Variants in OLFM3 observed in about 807,000 individuals in gnomAD.
The protein encoded by OLFM3 is olfactomedin 3.
A neutral mutation model predicts 48.6 loss-of-function variants in OLFM3; 20 were observed. The ratio of observed to expected loss-of-function variants is 0.41; its 90% CI spans 0.29 to 0.60. The LOEUF is 0.60. Ranked by LOEUF, OLFM3 falls within the 20% of genes least tolerant of loss-of-function variation. The probability of loss-of-function intolerance (pLI) is 0.28; values close to 1 mark genes in which losing one functional copy is unlikely to be tolerated. For synonymous variants in OLFM3, 222 were observed against 198.1 expected, an observed-to-expected ratio of 1.12 and a Z score of -1.01; for missense variants, 437 against 544.3, an observed-to-expected ratio of 0.80 and a Z score of 1.96.
rs1485037990 is a variant in OLFM3, at chr1:101,850,212, A to G, written c.70-13187T>C. On this transcript the variant is annotated intron_variant, in intron 1 of 5. Transcript: ENST00000370103. ...ATAATCTCACAAAAAATGTGACCTG[A>G]CTACACACTTATTTTCTTTGTGGAA... is the stretch of plus-strand genomic sequence containing the variant. Among the ~76,000 whole-genome samples the G allele has an allele frequency of 2.6e-5, 4 of 152,268 alleles. No homozygotes were observed. In the East Asian group the frequency reaches 7.7e-4, roughly 29 times the overall value.
At chr1:101,891,573 T>C (rs114782354) in intron 1 of OLFM3, among the ~76,000 whole-genome samples, 2,079 of 152,040 alleles carry the variant, frequency 0.014, 53 homozygotes, top group African/African-American at 0.048. Flanking sequence ...TGATGGATTT[T>C]TTTTTCCCTT....
intron 1 of OLFM3, among the ~76,000 whole-genome samples, chr1:101,872,705 C>T (rs1028454777): frequency 6.6e-5 from 10 of 151,772 alleles, no homozygotes; most frequent in Admixed American, 2.0e-4. Flanking sequence ...TTGGCATCAA[C>T]GAACAAGACA....
intron 1 of OLFM3, among the ~76,000 whole-genome samples, chr1:101,889,863 T>C (rs1017715866): frequency 1.3e-5 from 2 of 152,092 alleles, no homozygotes; most frequent in Non-Finnish European, 2.9e-5. Flanking sequence ...AAATATCTTA[T>C]TTCTCATATC....
intron 4 of OLFM3, among the ~76,000 whole-genome samples, chr1:101,816,634 AC>A (rs1401141774): frequency 6.6e-6 from 1 of 152,176 alleles, no homozygotes; most frequent in African/African-American, 2.4e-5. Context: ...ATGAAGTTGG[AC>A]AATGCCTTAT....
Position 101,935,557 on chromosome 1 carries a change from C to A in OLFM3, c.69+61191G>T, listed in dbSNP as rs183153423. Among the ~76,000 whole-genome samples the A allele has an allele frequency of 2.6e-5, 4 of 152,194 alleles. No homozygotes were observed. In the East Asian group the frequency reaches 7.7e-4, roughly 29 times the overall value. On this transcript the variant is annotated intron_variant, in intron 1 of 5. Transcript: ENST00000370103. ...ATTCCACTAGATGTATAAAGAAGAGCTGCTACCATTCCTACTAAAACTATT... is the reference window on the plus strand; with the variant it reads ...ATTCCACTAGATGTATAAAGAAGAGATGCTACCATTCCTACTAAAACTATT...
chr1:101,872,007 G>A (rs1014561984), intron 1 of OLFM3, among the ~76,000 whole-genome samples: 2 of 152,024 alleles, frequency 1.3e-5, no homozygotes, highest in African/African-American at 4.8e-5. Flanking sequence ...TATGAAATAT[G>A]TTAGAGAGGT....
chr1:101,812,689 T>C, intron 4 of OLFM3: 1 of 986,214 alleles, frequency 1.0e-6, no homozygotes, highest in Non-Finnish European at 1.2e-6. Context: ...AAAGGGATAC[T>C]GCTGAGTCTT....
In OLFM3 at chr1:101,859,546, G is replaced by A. The variant is rs1475583356; in HGVS notation, c.70-22521C>T. Among the ~76,000 whole-genome samples, 3 of 152,066 alleles carry A rather than the reference G, an allele frequency of 2.0e-5. No homozygotes were observed. The East Asian group carries it at 5.8e-4, about 29-fold the overall frequency. On this transcript the variant is annotated intron_variant, in intron 1 of 5. Coordinates refer to ENST00000370103, the MANE Select transcript of OLFM3 (RefSeq NM_058170.4). Reference sequence around the variant, plus strand: ...TAAATGTCTCTTATTTGAAATGCTTGGGGACAGAAGTGTTTTGGATTTTGA... The same window carrying A: ...TAAATGTCTCTTATTTGAAATGCTTAGGGACAGAAGTGTTTTGGATTTTGA...
At chr1:101,882,469 C>A (rs1032428790) in intron 1 of OLFM3, 1 of 151,524 alleles carries the variant, frequency 6.6e-6, no homozygotes, top group Non-Finnish European at 1.5e-5. Context: ...AGCCATCTTT[C>A]ATGTCTATGC....
intron 1 of OLFM3, among the ~76,000 whole-genome samples, chr1:101,941,272 T>C (rs1382262509): frequency 2.6e-5 from 4 of 152,064 alleles, no homozygotes. Context: ...AATTGCAGCA[T>C]TACAGCAGGG....
chr1:101,948,100 G>A (rs1660013687), intron 1 of OLFM3, among the ~76,000 whole-genome samples: 1 of 151,852 alleles, frequency 6.6e-6, no homozygotes, highest in Non-Finnish European at 1.5e-5. Context: ...ATAGGGAGAT[G>A]CAAGCCTTTT....
intron 1 of OLFM3, among the ~76,000 whole-genome samples, chr1:101,902,963 C>T (rs768344668): frequency 2.0e-5 from 3 of 152,054 alleles, no homozygotes; most frequent in Non-Finnish European, 2.9e-5. Flanking sequence ...TATGAAGAAT[C>T]ACCACTGTAT....
chr1:101,833,343 G>A (rs1443721007), intron 2 of OLFM3, among the ~76,000 whole-genome samples: 1 of 152,200 alleles, frequency 6.6e-6, no homozygotes. Flanking sequence ...CCAGGATTTG[G>A]CTTCAGGTGG....
intron 4 of OLFM3, among the ~76,000 whole-genome samples, chr1:101,810,862 T>C (rs1654013582): frequency 6.6e-6 from 1 of 151,690 alleles, no homozygotes; most frequent in Admixed American, 6.6e-5. Flanking sequence ...TCAAAGCTAA[T>C]AAATTTACAG....
intron 1 of OLFM3, among the ~76,000 whole-genome samples, chr1:101,953,821 G>A (rs1417646259): frequency 6.6e-6 from 1 of 152,098 alleles, no homozygotes; most frequent in East Asian, 1.9e-4. Context: ...AACATATTTA[G>A]CACGGGCTGT....
rs138099057 is a variant in OLFM3 at position 101,949,767 on chromosome 1, A to T, written c.69+46981T>A. On this transcript the variant is annotated intron_variant, in intron 1 of 5. Transcript: ENST00000370103. ...AACACGGGGAAACCCCGTCTCTACT[A>T]AAAATACAAAAAATCAGCCGGGCGT... Among the ~76,000 whole-genome samples, 324 of 152,056 alleles carry T rather than the reference A, an allele frequency of 2.1e-3. 4 individuals are homozygous for T. The highest frequency in any genetic ancestry group is 0.015 in the Admixed American group (223 of 15,292).
chr1:101,942,405 T>C (rs2101060796), intron 1 of OLFM3, among the ~76,000 whole-genome samples: 1 of 152,334 alleles, frequency 6.6e-6, no homozygotes, highest in Middle Eastern at 3.4e-3. Flanking sequence ...TGCAGTCTTA[T>C]GTTTTGGGTC....
chr1:101,857,029 G>A (rs1016915276), intron 1 of OLFM3, among the ~76,000 whole-genome samples: 3 of 152,136 alleles, frequency 2.0e-5, no homozygotes, highest in African/African-American at 7.2e-5. Flanking sequence ...GAAACTGACA[G>A]TAAAATTTAC....
At chr1:101,810,502 T>C (rs959737562) in intron 4 of OLFM3, among the ~76,000 whole-genome samples, 1 of 152,026 alleles carries the variant, frequency 6.6e-6, no homozygotes, top group Non-Finnish European at 1.5e-5. Flanking sequence ...TAGGTTATAA[T>C]GTAAAAAGTT....
Sources: allele counts gnomAD v4.1 joint callset (sites outside exome capture counted in the v4.1 genomes callset), GRCh38; gene constraint gnomAD v4.1.1; transcripts MANE v1.5; gene names NCBI Gene and HGNC (gene_info 2026-07-23, HGNC 2026-07-21).